Variants in GRIA1 observed in about 807,000 individuals in gnomAD.
The protein encoded by GRIA1 is glutamate receptor 1.
A neutral mutation model predicts 99.2 loss-of-function variants in GRIA1; 31 were observed. The observed-to-expected ratio is 0.31, with a 90% CI of 0.23 to 0.42. The LOEUF (loss-of-function observed/expected upper bound fraction) is 0.42. Among genes scored for constraint, GRIA1 ranks in the 10% least tolerant of loss-of-function variants. The probability of loss-of-function intolerance (pLI) is 1.00; values close to 1 mark genes in which losing one functional copy is unlikely to be tolerated. For missense variants in GRIA1, 782 were observed against 1,157.5 expected (o/e 0.68, Z 4.71); for synonymous variants, 438 against 432.4 (o/e 1.01, Z -0.16).
At chr5:153,726,252 G>A (rs1429074738) in intron 11 of GRIA1, among the ~76,000 whole-genome samples, 2 of 148,586 alleles carry the variant, frequency 1.3e-5, no homozygotes, top group Non-Finnish European at 3.0e-5. Context: ...TGTGTAGAGG[G>A]AAATTTATAG....
intron 1 of GRIA1, among the ~76,000 whole-genome samples, chr5:153,491,637 T>G (rs1229946752): frequency 6.6e-6 from 1 of 152,062 alleles, no homozygotes; most frequent in Non-Finnish European, 1.5e-5. Flanking sequence ...CTGCCTTTTC[T>G]CCGTTCCTTC....
rs116607755 is a variant in GRIA1 at position 153,698,094 on chromosome 5, C to T, written c.1185C>T (p.Ala395=). The T allele has an allele frequency of 8.3e-4, 1,344 of 1,611,946 alleles. 9 individuals carry two copies. The African/African-American group carries it at 0.016, about 19-fold the overall frequency. Residue 395 remains alanine (A), a synonymous_variant, in exon 9 of 16, where the codon GCC becomes GCT. Coordinates refer to ENST00000285900, the MANE Select transcript of GRIA1 (RefSeq NM_000827.4). The stretch of plus-strand genomic sequence containing the variant: ...AGTTTGTCCCTGCAGCCACCGATGC[C>T]CAAGCTGGGGGCGATAATTCAAGTG... ...DDKFVPAATD[A]QAGGDNSSVQ...
intron 10 of GRIA1, among the ~76,000 whole-genome samples, 182 bp from the exon 11 acceptor site, chr5:153,705,515 A>G (rs1758824162): frequency 6.6e-6 from 1 of 152,168 alleles, no homozygotes; most frequent in Non-Finnish European, 1.5e-5. Flanking sequence ...TATTGAGCTG[A>G]CCATCCATTC....
intron 8 of GRIA1, among the ~76,000 whole-genome samples, chr5:153,693,442 T>C (rs1348612457): frequency 6.6e-6 from 1 of 152,188 alleles, no homozygotes; most frequent in Non-Finnish European, 1.5e-5. Context: ...TAAAAATTGA[T>C]ACTAAAGGAT....
At chr5:153,653,054 C>A (rs1754690196) in intron 4 of GRIA1, among the ~76,000 whole-genome samples, 1 of 152,196 alleles carries the variant, frequency 6.6e-6, no homozygotes, top group African/African-American at 2.4e-5. Flanking sequence ...CCAGCCCCCA[C>A]CCAACTAAAA....
At chr5:153,534,863 T>C (rs953411616) in intron 2 of GRIA1, among the ~76,000 whole-genome samples, 3 of 152,192 alleles carry the variant, frequency 2.0e-5, no homozygotes, top group South Asian at 2.1e-4. Flanking sequence ...TTTGAAAAAG[T>C]GTATTCTACA....
chr5:153,498,173 G>A (rs149430769), intron 2 of GRIA1, among the ~76,000 whole-genome samples: 10 of 152,250 alleles, frequency 6.6e-5, no homozygotes, highest in South Asian at 6.2e-4. Context: ...TAGGGCCCAG[G>A]TCTATGCAGC....
intron 11 of GRIA1, among the ~76,000 whole-genome samples, chr5:153,743,894 C>T (rs1761978822): frequency 6.6e-6 from 1 of 152,118 alleles, no homozygotes; most frequent in Non-Finnish European, 1.5e-5. Context: ...ATCTCATGCT[C>T]ATTGGACATA....
chr5:153,589,834 G>T (rs925673014), intron 2 of GRIA1, among the ~76,000 whole-genome samples: 8 of 152,072 alleles, frequency 5.3e-5, no homozygotes, highest in African/African-American at 1.9e-4. Context: ...ACATAATAAT[G>T]TACTGTATGG....
At position 153,492,194 on chromosome 5, in the gene GRIA1, C is replaced by T. The variant is rs181646347; in HGVS notation, c.82+1224C>T. Reference sequence around the variant, plus strand: ...GTGGTGCAATTGATATTTTGTCGGGCATACATGTGCTGCAGTACCCATCTC... The same window carrying T: ...GTGGTGCAATTGATATTTTGTCGGGTATACATGTGCTGCAGTACCCATCTC... On this transcript the variant is annotated intron_variant, in intron 1 of 15. Transcript: ENST00000285900. 247 of 1,529,240 alleles carry T rather than the reference C, an allele frequency of 1.6e-4. 1 individual carries two copies. Among genetic ancestry groups the T allele is most frequent in the Admixed American group, 3.4e-4 (17 of 50,392 alleles). 94.7% of individuals were successfully genotyped at this position (1,529,240 alleles called of 1,614,324 possible).
At chr5:153,697,736 C>T (rs187454563) in intron 8 of GRIA1, among the ~76,000 whole-genome samples, 101 of 152,178 alleles carry the variant, frequency 6.6e-4, no homozygotes, top group South Asian at 1.2e-3. Context: ...GAATTAAATC[C>T]CATGGTCCTG....
chr5:153,678,801 G>A (rs1419319813), intron 7 of GRIA1, among the ~76,000 whole-genome samples: 1 of 152,212 alleles, frequency 6.6e-6, no homozygotes, highest in South Asian at 2.1e-4. Context: ...GAAGGACTCT[G>A]TACTGGGAGG....
At chr5:153,600,031 G>A (rs1274965956) in intron 2 of GRIA1, among the ~76,000 whole-genome samples, 1 of 152,106 alleles carries the variant, frequency 6.6e-6, no homozygotes, top group Non-Finnish European at 1.5e-5. Context: ...TGCGCACCTT[G>A]TTGCCAAATA....
chr5:153,726,109 T>G (rs1009657289), intron 11 of GRIA1, among the ~76,000 whole-genome samples: 12 of 151,958 alleles, frequency 7.9e-5, no homozygotes, highest in African/African-American at 2.9e-4. Context: ...CTCAACTACA[T>G]GGAAACTGAA....
At position 153,767,443 on chromosome 5, in the gene GRIA1, A is replaced by G. The variant is rs550412891; in HGVS notation, c.2023-2725A>G. On this transcript the variant is annotated intron_variant, in intron 12 of 15. Transcript: ENST00000285900. ...GGGACTCTTGGCTCTGCCACTAACA[A>G]ACTGCATGACATTTGACAGTTTATT... 1.1e-4 allele frequency among the ~76,000 whole-genome samples: 16 copies of G among 152,332 alleles called. No individual in the cohort carries two copies. In the South Asian group the frequency reaches 3.3e-3, roughly 32 times the overall value.
chr5:153,591,512 A>G (rs2149386782), intron 2 of GRIA1, among the ~76,000 whole-genome samples: 1 of 152,306 alleles, frequency 6.6e-6, no homozygotes, highest in East Asian at 1.9e-4. Context: ...GGTCACATGT[A>G]GGCAATAATT....
At chr5:153,760,861 C>G (rs576866456) in intron 11 of GRIA1, among the ~76,000 whole-genome samples, 1 of 151,798 alleles carries the variant, frequency 6.6e-6, no homozygotes, top group Non-Finnish European at 1.5e-5. Flanking sequence ...AATAGACAAC[C>G]CAGAAATTAA....
intron 2 of GRIA1, among the ~76,000 whole-genome samples, chr5:153,630,161 A>G (rs551465374): frequency 6.6e-6 from 1 of 152,316 alleles, no homozygotes; most frequent in Admixed American, 6.5e-5. Context: ...AAAAGAATTG[A>G]TGAAAGTAAA....
At chr5:153,627,877 CAGAA>C (rs1013736160) in intron 2 of GRIA1, among the ~76,000 whole-genome samples, 2 of 152,022 alleles carry the variant, frequency 1.3e-5, no homozygotes, top group African/African-American at 4.8e-5. Context: ...CAGCATCACT[CAGAA>C]AGCCTTTGTT....
Sources: gnomAD v4.1 joint callset for allele counts (sites outside exome capture counted in the v4.1 genomes callset) on GRCh38, gnomAD v4.1.1 for gene constraint, MANE v1.5 for transcripts, NCBI Gene and HGNC (gene_info 2026-07-23, HGNC 2026-07-21) for gene names.